The following PGGT1B variants were observed in gnomAD, a reference collection of about 807,000 sequenced individuals.
The protein encoded by PGGT1B is geranylgeranyl transferase type-1 subunit beta.
In PGGT1B, 30 loss-of-function variants were observed where a neutral mutation model predicts 46.1. The observed-to-expected ratio is 0.65, with a 90% CI of 0.49 to 0.88. The LOEUF is 0.88. Ranked by LOEUF, PGGT1B falls within the 40% of genes least tolerant of loss-of-function variation. The probability of loss-of-function intolerance (pLI) is 0.00; values close to 1 mark genes in which losing one functional copy is unlikely to be tolerated. For missense variants in PGGT1B, 376 were observed against 455.9 expected (o/e 0.82, Z 1.60); for synonymous variants, 170 against 160.0 (o/e 1.06, Z -0.47).
Position 115,262,704 on chromosome 5 carries a change from C to T in PGGT1B, c.140+8G>A. The T allele has an allele frequency of 6.2e-7, 1 of 1,601,866 alleles. No homozygotes were observed. Among genetic ancestry groups the T allele is most frequent in the Non-Finnish European group, 8.5e-7 (1 of 1,173,968 alleles). ...TGTGCCAGCCTGGCTGACTGTGCCA[C>T]GAGTTACCTGCTTGTCTCGAGTGAA... On this transcript the variant is annotated splice_region_variant and intron_variant, in intron 1 of 8. Transcript: ENST00000419445.
intron 3 of PGGT1B, among the ~76,000 whole-genome samples, chr5:115,239,452 A>C (rs547898309): frequency 6.6e-6 from 1 of 152,194 alleles, no homozygotes; most frequent in Non-Finnish European, 1.5e-5. Context: ...TCTCCTGGCT[A>C]TCCTATTCCA....
At chr5:115,252,501 A>G (rs1748145564) in intron 2 of PGGT1B, among the ~76,000 whole-genome samples, 2 of 151,994 alleles carry the variant, frequency 1.3e-5, no homozygotes, top group South Asian at 4.1e-4. Flanking sequence ...TTAAGGTTAG[A>G]ATTTATAACA....
intron 5 of PGGT1B, among the ~76,000 whole-genome samples, chr5:115,234,314 T>C (rs1757104519): frequency 6.6e-6 from 1 of 151,640 alleles, no homozygotes; most frequent in African/African-American, 2.4e-5. Flanking sequence ...AAAGATAAAC[T>C]GAAAACTAAC....
intron 6 of PGGT1B, among the ~76,000 whole-genome samples, chr5:115,225,649 ATTT>A (rs60269384): frequency 2.1e-5 from 3 of 144,474 alleles, no homozygotes; most frequent in Non-Finnish European, 3.1e-5. Context: ...GGTAAAGTAA[ATTT>A]TTTTTTTTTT....
intron 8 of PGGT1B, among the ~76,000 whole-genome samples, chr5:115,213,943 AT>A (rs1291678104): frequency 6.6e-6 from 1 of 152,202 alleles, no homozygotes; most frequent in Non-Finnish European, 1.5e-5. Flanking sequence ...ATGGAGGCCC[AT>A]GTTGATCACC....
rs1014299827 is a variant in PGGT1B, at chr5:115,205,573, A to G, written c.*6829T>C. On this transcript the variant is annotated 3_prime_UTR_variant, in exon 9 of 9. Coordinates refer to ENST00000419445, the MANE Select transcript of PGGT1B (RefSeq NM_005023.4). ...TTACAGTACTGCTACTAACTGTTAA[A>G]GCTTTATCTTGTGTGAGTTAATTCA... 2 of 152,168 alleles carry G rather than the reference A, an allele frequency of 1.3e-5. No homozygotes were observed. Among genetic ancestry groups the G allele is most frequent in the Non-Finnish European group, 2.9e-5 (2 of 67,988 alleles). 9.4% of individuals were successfully genotyped at this position (152,168 alleles called of 1,614,324 possible).
At chr5:115,229,660 A>G (rs927877448) in intron 6 of PGGT1B, among the ~76,000 whole-genome samples, 1 of 152,150 alleles carries the variant, frequency 6.6e-6, no homozygotes, top group Non-Finnish European at 1.5e-5. Flanking sequence ...CTCCTTAGCC[A>G]GAGTGTACAC....
chr5:115,232,940 A>G (rs1202528446), intron 5 of PGGT1B, among the ~76,000 whole-genome samples: 2 of 152,014 alleles, frequency 1.3e-5, no homozygotes, highest in East Asian at 3.8e-4. Context: ...CCTGAGAAAC[A>G]AAAGAGAACC....
At position 115,205,417 on chromosome 5, in the gene PGGT1B, A is replaced by C. The variant is rs1439907492; in HGVS notation, c.*6985T>G. ...CACCCTTAATTTAGTTAGAGCCTCA[A>C]GATATTTAATGAAAAGTTTGAACAA... On this transcript the variant is annotated 3_prime_UTR_variant, in exon 9 of 9. Coordinates refer to ENST00000419445, the MANE Select transcript of PGGT1B (RefSeq NM_005023.4). 6.6e-6 allele frequency: 1 copy of C among 152,170 alleles called. No homozygotes were observed. Among genetic ancestry groups the C allele is most frequent in the African/African-American group, 2.4e-5 (1 of 41,456 alleles). 9.4% of individuals were successfully genotyped at this position (152,170 alleles called of 1,614,324 possible). A position where few individuals can be genotyped will look rare whatever the true frequency, so the allele number is the denominator to read the frequency against.
At chr5:115,261,843 T>C (rs765604422) in intron 1 of PGGT1B, among the ~76,000 whole-genome samples, 2 of 152,204 alleles carry the variant, frequency 1.3e-5, no homozygotes, top group Non-Finnish European at 2.9e-5. Context: ...CAGAACTCTA[T>C]ACAAATGCTT....
chr5:115,228,780 C>T (rs906437893), intron 6 of PGGT1B, among the ~76,000 whole-genome samples: 2 of 151,800 alleles, frequency 1.3e-5, no homozygotes, highest in South Asian at 2.1e-4. Flanking sequence ...TGGAATGTGA[C>T]GTTTTAAGAA....
intron 1 of PGGT1B, among the ~76,000 whole-genome samples, chr5:115,257,310 C>A (rs1005659760): frequency 6.6e-6 from 1 of 152,010 alleles, no homozygotes; most frequent in Non-Finnish European, 1.5e-5. Context: ...GTCAGGAACT[C>A]GAGACCAGCC....
At chr5:115,234,866 T>C (rs1023114092) in intron 5 of PGGT1B, among the ~76,000 whole-genome samples, 10 of 152,076 alleles carry the variant, frequency 6.6e-5, no homozygotes, top group Non-Finnish European at 1.2e-4. Context: ...TACAGAAATA[T>C]AGATTCTGTG....
chr5:115,252,916 A>C (rs142513491), intron 2 of PGGT1B: 119 of 478,636 alleles, frequency 2.5e-4, no homozygotes, highest in African/African-American at 2.4e-3. Context: ...ACAACTGTGA[A>C]TCTCTATTAA....
intron 3 of PGGT1B, among the ~76,000 whole-genome samples, chr5:115,239,134 C>G (rs1378474193): frequency 6.6e-6 from 1 of 152,002 alleles, no homozygotes; most frequent in African/African-American, 2.4e-5. Context: ...GCCTCCAAGG[C>G]TCAAGCAATC....
At chr5:115,242,634 A>G (rs955359582) in intron 2 of PGGT1B, among the ~76,000 whole-genome samples, 1 of 152,186 alleles carries the variant, frequency 6.6e-6, no homozygotes, top group African/African-American at 2.4e-5. Context: ...CTCTCCACCA[A>G]TTATCATCTC....
chr5:115,235,752 C>A (rs1363220279), intron 5 of PGGT1B, among the ~76,000 whole-genome samples: 1 of 152,088 alleles, frequency 6.6e-6, no homozygotes, highest in Non-Finnish European at 1.5e-5. Context: ...TCCACTGTTA[C>A]ACACTCACTT....
chr5:115,244,501 C>A (rs1747722011), intron 2 of PGGT1B, among the ~76,000 whole-genome samples: 1 of 147,532 alleles, frequency 6.8e-6, no homozygotes, highest in African/African-American at 2.5e-5. Flanking sequence ...AGGATTCTAC[C>A]TAACACACCC....
intron 1 of PGGT1B, among the ~76,000 whole-genome samples, chr5:115,261,327 T>C (rs1748547667): frequency 6.6e-6 from 1 of 152,232 alleles, no homozygotes; most frequent in Admixed American, 6.5e-5. Flanking sequence ...AATCTGTTCA[T>C]CCTTCAGGGC....
Sources: gnomAD v4.1 joint callset for allele counts (sites outside exome capture counted in the v4.1 genomes callset) on GRCh38, gnomAD v4.1.1 for gene constraint, MANE v1.5 for transcripts, NCBI Gene and HGNC (gene_info 2026-07-23, HGNC 2026-07-21) for gene names.